CYLD: variants seen among roughly 807,000 people sequenced by gnomAD.
CYLD encodes ubiquitin carboxyl-terminal hydrolase CYLD.
Under a neutral mutation model 104.5 loss-of-function variants are expected in CYLD, and 26 were observed. The ratio of observed to expected loss-of-function variants is 0.25; its 90% CI spans 0.18 to 0.35. The LOEUF is 0.35. Among genes scored for constraint, CYLD ranks in the 10% least tolerant of loss-of-function variants. The probability of loss-of-function intolerance (pLI) is 1.00; values close to 1 mark genes in which losing one functional copy is unlikely to be tolerated. For synonymous variants in CYLD, 385 were observed against 399.9 expected (o/e 0.96, Z 0.45); for missense variants, 703 against 1,136.1 (o/e 0.62, Z 5.48).
At chr16:50,755,139 G>A (rs12929222) in intron 5 of CYLD, among the ~76,000 whole-genome samples, 3,849 of 36,558 alleles carry the variant, frequency 0.11, 246 homozygotes, top group African/African-American at 0.18. Context: ...ATACACACGT[G>A]TACATATGTG....
Position 50,800,356 on chromosome 16 carries a change from A to AT in CYLD, c.*3852dup, listed in dbSNP as rs1195976649. 3 of 233,142 alleles carry AT rather than the reference A, an allele frequency of 1.3e-5. No individual in the cohort carries two copies. The highest frequency in any genetic ancestry group is 8.5e-6 in the Non-Finnish European group (1 of 118,016). 14.4% of individuals were successfully genotyped at this position (233,142 alleles called of 1,614,324 possible). A position where few individuals can be genotyped will look rare whatever the true frequency, so the allele number is the denominator to read the frequency against. ...CTCAAAGCTTCCTTCACTTTTTGTG[A>AT]TTTTGTGGTCATGTAACGTTACTGT... On this transcript the variant is annotated 3_prime_UTR_variant, in exon 19 of 19. Coordinates refer to ENST00000427738, the MANE Select transcript of CYLD (RefSeq NM_001378743.1).
Position 50,749,992 on chromosome 16 carries a change from G to A in CYLD, c.294G>A (p.Glu98=). Residue 98 remains glutamate (E), a synonymous_variant, in exon 3 of 19, where the codon GAG becomes GAA. Coordinates refer to ENST00000427738, the MANE Select transcript of CYLD (RefSeq NM_001378743.1). ...DVVEINEKFT[E]LLLAITNCEE... ...TAGAGATAAATGAAAAGTTCACAGA[G>A]TTACTTTTGGCAATTACCAATTGTG... 1.2e-6 allele frequency: 2 copies of A among 1,614,050 alleles called. No homozygotes were observed. The highest frequency in any genetic ancestry group is 1.3e-5 in the African/African-American group (1 of 75,028).
chr16:50,757,559 C>G (rs751642513), intron 5 of CYLD, among the ~76,000 whole-genome samples: 1 of 149,664 alleles, frequency 6.7e-6, no homozygotes, highest in South Asian at 2.1e-4. Flanking sequence ...TTTTTTGAGA[C>G]GGGGTCTCGC....
rs1025532104 is a variant in CYLD, at chr16:50,796,663, C to T, written c.*155C>T. ...GATGCCTCTGTTTAAAAACAAATTG[C>T]TTTTGTGTCCCTGAAGTATTTAATA... On this transcript the variant is annotated 3_prime_UTR_variant, in exon 19 of 19. Transcript: ENST00000427738. 1.5e-5 allele frequency: 11 copies of T among 753,156 alleles called. No homozygotes were observed. Among genetic ancestry groups the T allele is most frequent in the Non-Finnish European group, 2.3e-5 (10 of 438,754 alleles). The allele number at this position is 753,156 out of a possible 1,614,324, so 46.7% of individuals were successfully genotyped here.
chr16:50,794,252 C>T lies in CYLD; in HGVS notation c.2510C>T (p.Pro837Leu). Residue 837 changes from proline (P) to leucine (L), a missense_variant, in exon 18 of 19, where the codon CCA becomes CTA. By Grantham distance (98) the Pro-to-Leu change is moderately conservative (BLOSUM62 -3). Transcript: ENST00000427738. This position sits in a 1 kb window ranked among gnomAD's most constrained non-coding sequence, Gnocchi z 4.1. ...HPKRLNHKYN[P>L]VSLPKDLPDW... is the part of the protein sequence containing the mutation. ...AAGAGGCTGAATCATAAATATAACC[C>T]AGTGTCACTTCCCAAAGACTTACCC... is the stretch of plus-strand genomic sequence containing the variant. The T allele has an allele frequency of 1.2e-6, 2 of 1,614,188 alleles. No individual in the cohort carries two copies. The highest frequency in any genetic ancestry group is 1.7e-6 in the Non-Finnish European group (2 of 1,180,026).
At position 50,794,600 on chromosome 16, in the gene CYLD, C is replaced by A; in HGVS notation, c.2686+172C>A. The A allele has an allele frequency of 1.4e-6, 1 of 699,018 alleles. No homozygotes were observed. The highest frequency in any genetic ancestry group is 2.5e-6 in the Non-Finnish European group (1 of 395,416). 43.3% of individuals were successfully genotyped at this position (699,018 alleles called of 1,614,324 possible). ...TGCATTAACAACCTTGCTAGCTGAA[C>A]TAAGGAATAATATGCTGTGTTTTTT... On this transcript the variant is annotated intron_variant, in intron 18 of 18. Coordinates refer to ENST00000427738, the MANE Select transcript of CYLD (RefSeq NM_001378743.1). This position sits in a 1 kb window ranked among gnomAD's most constrained non-coding sequence, Gnocchi z 4.1.
chr16:50,791,739 T>C, intron 15 of CYLD, 49 bp downstream of exon 15: 1 of 1,593,566 alleles, frequency 6.3e-7, no homozygotes, highest in South Asian at 1.1e-5. Flanking sequence ...TGTGGGAGTC[T>C]TAAGACTATT....
chr16:50,761,277 G>T (rs1426768815), intron 5 of CYLD, among the ~76,000 whole-genome samples: 1 of 151,982 alleles, frequency 6.6e-6, no homozygotes, highest in Non-Finnish European at 1.5e-5. Flanking sequence ...ACCCTCATTT[G>T]TTTTTATTGT....
intron 13 of CYLD, chr16:50,787,521 A>G (rs1419082528): frequency 1.5e-5 from 6 of 388,586 alleles, no homozygotes; most frequent in East Asian, 1.1e-4. Flanking sequence ...AGGAAATAAC[A>G]GCTATTTCAT....
At chr16:50,784,092 C>A in intron 11 of CYLD, 1 of 451,966 alleles carries the variant, frequency 2.2e-6, no homozygotes, top group Non-Finnish European at 4.1e-6. Flanking sequence ...GCCAATCTGC[C>A]GTTTGCTTTC....
intron 5 of CYLD, among the ~76,000 whole-genome samples, chr16:50,762,681 T>C (rs1183767216): frequency 6.6e-6 from 1 of 152,244 alleles, no homozygotes; most frequent in Non-Finnish European, 1.5e-5. Context: ...TGGAGGAGAA[T>C]TGACATTTCT....
At position 50,777,812 on chromosome 16, in the gene CYLD, C is replaced by T; in HGVS notation, c.1022-13C>T. ...GACTTTATTTTTAAATGAAACTTTT[C>T]TTGTTCCTATAGGATCTACCTCAGA... On this transcript the variant is annotated splice_polypyrimidine_tract_variant and intron_variant, in intron 7 of 18. Transcript: ENST00000427738. 3.6e-6 allele frequency: 5 copies of T among 1,408,056 alleles called. 1 individual carries two copies. The South Asian group carries it at 4.7e-5, about 13-fold the overall frequency. 87.2% of individuals were successfully genotyped at this position (1,408,056 alleles called of 1,614,324 possible). A position where few individuals can be genotyped will look rare whatever the true frequency, so the allele number is the denominator to read the frequency against.
chr16:50,779,553 TAGC>T, intron 8 of CYLD, 109 bp from the exon 9 acceptor site: 1 of 960,798 alleles, frequency 1.0e-6, no homozygotes, highest in Non-Finnish European at 1.6e-6. Context: ...GTACTATTAA[TAGC>T]AGGGAGGTCA....
rs1394426416 is a variant in CYLD at position 50,800,142 on chromosome 16, C to A, written c.*3634C>A. The stretch of plus-strand genomic sequence containing the variant: ...TTAGACAACAGCTTGACCTCTTGAG[C>A]TTTAGTTTCCTCCTCTGCATAATGA... On this transcript the variant is annotated 3_prime_UTR_variant, in exon 19 of 19. Coordinates refer to ENST00000427738, the MANE Select transcript of CYLD (RefSeq NM_001378743.1). 3.4e-5 allele frequency: 8 copies of A among 232,778 alleles called. No individual in the cohort carries two copies. Among genetic ancestry groups the A allele is most frequent in the Non-Finnish European group, 5.9e-5 (7 of 117,888 alleles). 14.4% of individuals were successfully genotyped at this position (232,778 alleles called of 1,614,324 possible). A position where few individuals can be genotyped will look rare whatever the true frequency, so the allele number is the denominator to read the frequency against.
intron 5 of CYLD, among the ~76,000 whole-genome samples, chr16:50,758,696 A>T (rs1238360672): frequency 1.3e-5 from 2 of 152,094 alleles, no homozygotes; most frequent in African/African-American, 4.8e-5. Context: ...TGAGAGAGAG[A>T]ACAGAATCAA....
At position 50,796,519 on chromosome 16, in the gene CYLD, CG is replaced by C. The variant is rs767664383; in HGVS notation, c.*14del. 3 of 1,611,704 alleles carry C rather than the reference CG, an allele frequency of 1.9e-6. No individual in the cohort carries two copies. The highest frequency in any genetic ancestry group is 2.5e-6 in the Non-Finnish European group (3 of 1,179,860). Reference sequence around the variant, plus strand: ...AGTTTGTACAAATAACTGGGGTCATCGGGAAAGGCAAAGAAACTGAAGGCAG... The same window carrying C: ...AGTTTGTACAAATAACTGGGGTCATCGGAAAGGCAAAGAAACTGAAGGCAG... On this transcript the variant is annotated 3_prime_UTR_variant, in exon 19 of 19. Transcript: ENST00000427738.
intron 15 of CYLD, among the ~76,000 whole-genome samples, 197 bp from the exon 16 acceptor site, chr16:50,792,400 C>T (rs1390793554): frequency 6.6e-6 from 1 of 152,138 alleles, no homozygotes; most frequent in Non-Finnish European, 1.5e-5. Context: ...TGTGCCCCTG[C>T]GATCATGAGC....
In CYLD at chr16:50,797,363, C is replaced by T; in HGVS notation, c.*855C>T. The T allele has an allele frequency of 4.3e-6, 1 of 231,970 alleles. No homozygotes were observed. The highest frequency in any genetic ancestry group is 6.1e-5 in the East Asian group (1 of 16,470). The allele number at this position is 231,970 out of a possible 1,614,324, so 14.4% of individuals were successfully genotyped here. A position where few individuals can be genotyped will look rare whatever the true frequency, so the allele number is the denominator to read the frequency against. ...ACAGTCCATAAGAAAATGAATTTGG[C>T]ATATAGAATTATTACAATTTCCTGG... On this transcript the variant is annotated 3_prime_UTR_variant, in exon 19 of 19. Transcript: ENST00000427738.
At chr16:50,760,438 G>A (rs1021506155) in intron 5 of CYLD, among the ~76,000 whole-genome samples, 6 of 151,776 alleles carry the variant, frequency 4.0e-5, no homozygotes, top group Admixed American at 3.3e-4. Flanking sequence ...TCCATCCTTC[G>A]TTTCTCACTA....
Sources: gnomAD v4.1 joint callset for allele counts (sites outside exome capture counted in the v4.1 genomes callset) on GRCh38, gnomAD v4.1.1 for gene constraint, Gnocchi (gnomAD v3.1) non-coding constraint, MANE v1.5 for transcripts, NCBI Gene and HGNC (gene_info 2026-07-23, HGNC 2026-07-21) for gene names.